The following FSHR variants were observed in gnomAD, a reference collection of about 807,000 sequenced individuals.
The protein encoded by FSHR is follicle stimulating hormone receptor, also known as follicle-stimulating hormone receptor.
FSHR carries 46 observed loss-of-function variants against 52.1 expected under a neutral mutation model. The ratio of observed to expected loss-of-function variants is 0.88; its 90% confidence interval spans 0.70 to 1.13. The LOEUF (loss-of-function observed/expected upper bound fraction) is 1.13. FSHR is among the 50% of genes most tolerant of loss of function. The pLI is 0.00. For missense variants in FSHR, 964 were observed against 834.6 expected, an observed-to-expected ratio of 1.16 and a Z score of -1.91; for synonymous variants, 399 against 309.6, an observed-to-expected ratio of 1.29 and a Z score of -3.03.
intron 5 of FSHR, among the ~76,000 whole-genome samples, chr2:48,990,270 G>A (rs952815452): frequency 1.3e-5 from 2 of 151,724 alleles, no homozygotes; most frequent in Non-Finnish European, 2.9e-5. Flanking sequence ...TTATGTGTGT[G>A]GGGGGCAGTA....
intron 1 of FSHR, among the ~76,000 whole-genome samples, chr2:49,140,988 T>A (rs909147970): frequency 6.6e-6 from 1 of 152,188 alleles, no homozygotes; most frequent in African/African-American, 2.4e-5. Flanking sequence ...AGTCAGTTAC[T>A]TCTGGGCACC....
chr2:49,004,097 C>A (rs1002740917), intron 4 of FSHR, among the ~76,000 whole-genome samples: 7 of 152,188 alleles, frequency 4.6e-5, no homozygotes, highest in Non-Finnish European at 4.4e-5. Flanking sequence ...GTCATTCTGT[C>A]TGTGCCCCAG....
chr2:49,085,149 G>A (rs1670326640), intron 1 of FSHR, among the ~76,000 whole-genome samples: 1 of 151,808 alleles, frequency 6.6e-6, no homozygotes, highest in African/African-American at 2.4e-5. Context: ...TATCCACCAT[G>A]ATCAAGTGGG....
chr2:49,016,830 C>G (rs1280476928), intron 4 of FSHR, among the ~76,000 whole-genome samples: 2 of 152,108 alleles, frequency 1.3e-5, no homozygotes, highest in Admixed American at 6.5e-5. Flanking sequence ...AAGTCCATAC[C>G]TATGATCAGT....
chr2:49,068,830 A>G (rs1669614744), intron 1 of FSHR, among the ~76,000 whole-genome samples: 1 of 152,046 alleles, frequency 6.6e-6, no homozygotes. Flanking sequence ...CAGGGTCCTA[A>G]GAATAGCTTC....
chr2:49,104,018 T>A (rs999812365), intron 1 of FSHR, among the ~76,000 whole-genome samples: 3 of 152,024 alleles, frequency 2.0e-5, no homozygotes, highest in African/African-American at 7.2e-5. Flanking sequence ...GAATTCACTA[T>A]TATCACTGCA....
chr2:48,994,093 G>T (rs979608254), intron 4 of FSHR, among the ~76,000 whole-genome samples: 2 of 152,090 alleles, frequency 1.3e-5, no homozygotes, highest in Admixed American at 1.3e-4. Context: ...AGTAGTTGAC[G>T]CATAAAATGT....
At chr2:49,006,523 T>C (rs1667081915) in intron 4 of FSHR, among the ~76,000 whole-genome samples, 1 of 152,114 alleles carries the variant, frequency 6.6e-6, no homozygotes, top group Non-Finnish European at 1.5e-5. Context: ...ATTCTATTCA[T>C]TTACAGTACT....
intron 4 of FSHR, among the ~76,000 whole-genome samples, chr2:49,016,769 A>G (rs1031641154): frequency 6.1e-5 from 9 of 146,466 alleles, no homozygotes; most frequent in Admixed American, 5.7e-4. Flanking sequence ...TAGATAACAG[A>G]TATTCAAGGA....
chr2:49,100,783 T>G (rs1203966852), intron 1 of FSHR, among the ~76,000 whole-genome samples: 2 of 152,210 alleles, frequency 1.3e-5, no homozygotes, highest in Non-Finnish European at 1.5e-5. Flanking sequence ...TTCTATCACT[T>G]GTACCTGAAG....
intron 1 of FSHR, among the ~76,000 whole-genome samples, chr2:49,122,294 T>C (rs566351994): frequency 6.6e-6 from 1 of 152,300 alleles, no homozygotes; most frequent in South Asian, 2.1e-4. Context: ...GCCTTACTGA[T>C]TTTGCTGACA....
chr2:49,048,344 G>C (rs762358945), intron 2 of FSHR, among the ~76,000 whole-genome samples: 20 of 152,142 alleles, frequency 1.3e-4, no homozygotes, highest in Non-Finnish European at 2.2e-4. Context: ...AAGGAATCAA[G>C]AGGTAGAGAC....
At chr2:48,977,782 A>G (rs965327632) in intron 8 of FSHR, among the ~76,000 whole-genome samples, 1 of 152,180 alleles carries the variant, frequency 6.6e-6, no homozygotes, top group African/African-American at 2.4e-5. Context: ...CACTAAATGT[A>G]TGTCATGTAA....
intron 1 of FSHR, among the ~76,000 whole-genome samples, chr2:49,094,288 T>G (rs1670735255): frequency 6.6e-6 from 1 of 152,202 alleles, no homozygotes; most frequent in South Asian, 2.1e-4. Flanking sequence ...GGCATTTTAT[T>G]TGCAAACATT....
intron 1 of FSHR, among the ~76,000 whole-genome samples, chr2:49,080,077 G>T (rs908213341): frequency 2.0e-5 from 3 of 151,964 alleles, no homozygotes; most frequent in African/African-American, 4.8e-5. Flanking sequence ...AAATGCAAAC[G>T]ATCAATAAAC....
At position 48,983,090 on chromosome 2, in the gene FSHR, C is replaced by T; in HGVS notation, c.593+8G>A. 1 of 1,613,716 alleles carries T rather than the reference C, an allele frequency of 6.2e-7. No individual in the cohort carries two copies. Among genetic ancestry groups the T allele is most frequent in the Non-Finnish European group, 8.5e-7 (1 of 1,179,654 alleles). ...AAATGGCCTTGAAGAATAGTCAGGG[C>T]TACTTACAGCTCATCTAGTTGGGTT... is the stretch of plus-strand genomic sequence containing the variant. On this transcript the variant is annotated splice_region_variant and intron_variant, in intron 7 of 9. Transcript: ENST00000406846.
rs541635461 is a variant in FSHR at position 49,029,867 on chromosome 2, C to T, written c.225-9707G>A. 2.6e-5 allele frequency among the ~76,000 whole-genome samples: 4 copies of T among 152,278 alleles called. No individual in the cohort carries two copies. In the East Asian group the frequency reaches 7.7e-4, roughly 29 times the overall value. On this transcript the variant is annotated intron_variant, in intron 2 of 9. Coordinates refer to ENST00000406846, the MANE Select transcript of FSHR (RefSeq NM_000145.4). The stretch of plus-strand genomic sequence containing the variant: ...AAATGATCTCCAGGGTCCCTGCTAG[C>T]CCTGGAATTCTGTGATTTTAATTAT...
At chr2:49,026,989 C>G (rs1218068211) in intron 2 of FSHR, among the ~76,000 whole-genome samples, 1 of 152,202 alleles carries the variant, frequency 6.6e-6, no homozygotes, top group Non-Finnish European at 1.5e-5. Context: ...GAACCCATCA[C>G]AGACAATCAG....
chr2:49,095,867 T>C (rs1261064751), intron 1 of FSHR, among the ~76,000 whole-genome samples: 1 of 152,100 alleles, frequency 6.6e-6, no homozygotes, highest in Admixed American at 6.5e-5. Context: ...GAAAAGATGC[T>C]CAATATCATT....
Sources: gnomAD v4.1 joint callset for allele counts (sites outside exome capture counted in the v4.1 genomes callset) on GRCh38, gnomAD v4.1.1 for gene constraint, MANE v1.5 for transcripts, NCBI Gene and HGNC (gene_info 2026-07-23, HGNC 2026-07-21) for gene names.